SEC24B: variants seen among roughly 807,000 people sequenced by gnomAD.
SEC24B encodes SEC24 homolog B, COPII component.
In SEC24B, 45 loss-of-function variants were observed where a neutral mutation model predicts 142.8. That is an observed-to-expected ratio of 0.32 (90% confidence interval 0.25 to 0.40). The LOEUF (loss-of-function observed/expected upper bound fraction) is 0.40, where lower values mean the gene tolerates loss of function less well. SEC24B is among the 10% of genes least tolerant of loss of function. The pLI is 1.00. For synonymous variants in SEC24B, 574 were observed against 568.2 expected, an observed-to-expected ratio of 1.01 and a Z score of -0.15; for missense variants, 1,409 against 1,526.8, an observed-to-expected ratio of 0.92 and a Z score of 1.29.
intron 19 of SEC24B, 22 bp from the exon 20 acceptor site, chr4:109,531,363 A>G (rs751497895): frequency 6.3e-7 from 1 of 1,582,696 alleles, no homozygotes; most frequent in Non-Finnish European, 8.6e-7. Flanking sequence ...TTACTTGAAA[A>G]CGTTTATCTT....
chr4:109,498,480 T>C (rs1449485524), intron 6 of SEC24B, among the ~76,000 whole-genome samples: 1 of 152,210 alleles, frequency 6.6e-6, no homozygotes, highest in Non-Finnish European at 1.5e-5. Context: ...TTCTCCTGCC[T>C]CAGCCTCTCA....
intron 1 of SEC24B, among the ~76,000 whole-genome samples, chr4:109,458,724 C>T (rs1464343041): frequency 6.6e-6 from 1 of 151,854 alleles, no homozygotes; most frequent in Non-Finnish European, 1.5e-5. Context: ...TTTTGCTTAA[C>T]TAAATTATAC....
At position 109,525,371 on chromosome 4, in the gene SEC24B, G is replaced by T. The variant is rs1244988155; in HGVS notation, c.2658G>T (p.Gly886=). Reference sequence around the variant, plus strand: ...CTTGCATGTCCAAGTATTCTGCAGGGTGCATCTATTATTATCCATCATTCC... The same window carrying T: ...CTTGCATGTCCAAGTATTCTGCAGGTTGCATCTATTATTATCCATCATTCC... The part of the protein sequence containing the change: ...SLACMSKYSA[G]CIYYYPSFHY... The change falls in exon 16 of 24, where the codon GGG becomes GGT. Residue 886 remains glycine, a synonymous_variant. Transcript: ENST00000265175. 1.2e-6 allele frequency: 2 copies of T among 1,606,796 alleles called. No homozygotes were observed. The highest frequency in any genetic ancestry group is 2.2e-5 in the South Asian group (2 of 89,470).
intron 6 of SEC24B, 55 bp downstream of exon 6, chr4:109,494,911 A>C (rs912657360): frequency 1.9e-6 from 3 of 1,592,324 alleles, no homozygotes; most frequent in Non-Finnish European, 1.7e-6. Context: ...TAATTCTGAC[A>C]AGTTACTGGT....
chr4:109,525,964 T>A (rs538105557), intron 16 of SEC24B, among the ~76,000 whole-genome samples: 2 of 152,278 alleles, frequency 1.3e-5, no homozygotes, highest in East Asian at 3.9e-4. Context: ...TTAGTCAGAT[T>A]ATGTCTGACT....
intron 14 of SEC24B, 102 bp from the exon 15 acceptor site, chr4:109,524,716 T>C (rs1227297312): frequency 2.0e-6 from 2 of 1,022,718 alleles, no homozygotes; most frequent in Non-Finnish European, 2.8e-6. Flanking sequence ...AGAAAACTCT[T>C]AGTTTGGTAG....
At chr4:109,509,746 C>T (rs1312025728) in intron 7 of SEC24B, among the ~76,000 whole-genome samples, 1 of 150,886 alleles carries the variant, frequency 6.6e-6, no homozygotes, top group Non-Finnish European at 1.5e-5. Flanking sequence ...CTATTCATCT[C>T]CTTCAGGCTA....
intron 6 of SEC24B, among the ~76,000 whole-genome samples, chr4:109,496,121 T>C (rs1735517265): frequency 6.6e-6 from 1 of 152,120 alleles, no homozygotes; most frequent in South Asian, 2.1e-4. Flanking sequence ...AAACAATTTT[T>C]TTTTTTTTTG....
intron 6 of SEC24B, among the ~76,000 whole-genome samples, chr4:109,496,134 A>G (rs1010204590): frequency 1.3e-5 from 2 of 149,966 alleles, no homozygotes; most frequent in African/African-American, 2.5e-5. Flanking sequence ...TTTTTTTGAG[A>G]TGGCATCTCA....
chr4:109,455,752 C>T (rs1219553004), intron 1 of SEC24B, among the ~76,000 whole-genome samples: 1 of 151,952 alleles, frequency 6.6e-6, no homozygotes, highest in Non-Finnish European at 1.5e-5. Context: ...GTGTATCTGT[C>T]CTTTCACCAA....
intron 6 of SEC24B, among the ~76,000 whole-genome samples, chr4:109,497,665 A>G (rs1200669424): frequency 5.3e-5 from 8 of 151,076 alleles, no homozygotes; most frequent in Admixed American, 4.6e-4. Flanking sequence ...TTTCATTGTT[A>G]TGTGGTACTC....
chr4:109,533,725 A>G (rs1160736763), intron 22 of SEC24B, 40 bp downstream of exon 22: 10 of 1,051,890 alleles, frequency 9.5e-6, no homozygotes, highest in Admixed American at 2.3e-5. Flanking sequence ...TTGTTTGCTC[A>G]TTTTTTTTTA....
chr4:109,511,540 G>A (rs562818442), intron 8 of SEC24B, among the ~76,000 whole-genome samples: 117 of 152,184 alleles, frequency 7.7e-4, no homozygotes, highest in African/African-American at 2.8e-3. Context: ...TTAAAGGCAC[G>A]TTGTGTTTGA....
intron 3 of SEC24B, among the ~76,000 whole-genome samples, chr4:109,477,316 T>TTTTA (rs1472160023): frequency 6.6e-6 from 1 of 151,782 alleles, no homozygotes; most frequent in Non-Finnish European, 1.5e-5. Flanking sequence ...TTTTTATTAT[T>TTTTA]TTTATTTATT....
chr4:109,512,991 T>G (rs1737522589), intron 9 of SEC24B, among the ~76,000 whole-genome samples: 1 of 123,220 alleles, frequency 8.1e-6, no homozygotes, highest in South Asian at 2.5e-4. Context: ...TTTTTTTTTT[T>G]GGAGATGGAG....
rs952929489 is a variant in SEC24B at position 109,466,782 on chromosome 4, T to A, written c.877+3138T>A. On this transcript the variant is annotated intron_variant, in intron 2 of 23. Transcript: ENST00000265175. ...TACCTTCTTTACTACTTGATTATAC[T>A]ATCTTCATTTCAGATATACTAAAAG... Among the ~76,000 whole-genome samples the A allele has an allele frequency of 2.0e-5, 3 of 152,352 alleles. No homozygotes were observed. In the South Asian group the frequency reaches 6.2e-4, roughly 32 times the overall value.
At chr4:109,536,688 C>A (rs953120919) in intron 22 of SEC24B, among the ~76,000 whole-genome samples, 2 of 152,066 alleles carry the variant, frequency 1.3e-5, no homozygotes, top group African/African-American at 4.8e-5. Flanking sequence ...TGCCACCACG[C>A]CCAGCTAATT....
chr4:109,534,955 G>T (rs2126104100), intron 22 of SEC24B, among the ~76,000 whole-genome samples: 1 of 152,272 alleles, frequency 6.6e-6, no homozygotes, highest in Non-Finnish European at 1.5e-5. Flanking sequence ...TGGGATTACA[G>T]GTGTGAGCCA....
chr4:109,454,732 C>G (rs1329358193), intron 1 of SEC24B, among the ~76,000 whole-genome samples: 1 of 152,022 alleles, frequency 6.6e-6, no homozygotes, highest in African/African-American at 2.4e-5. Context: ...CCTTTTTTCC[C>G]CAAAGCAAGC....
Sources: gnomAD v4.1 joint callset for allele counts (sites outside exome capture counted in the v4.1 genomes callset) on GRCh38, gnomAD v4.1.1 for gene constraint, MANE v1.5 for transcripts, NCBI Gene and HGNC (gene_info 2026-07-23, HGNC 2026-07-21) for gene names.